The following SDK1 variants were observed in gnomAD, a reference collection of about 807,000 sequenced individuals.
SDK1 encodes the protein protein sidekick-1.
A neutral mutation model predicts 245.5 loss-of-function variants in SDK1; 157 were observed. The observed-to-expected ratio is 0.64, with a 90% confidence interval of 0.56 to 0.73. SDK1 has a LOEUF of 0.73. Among genes scored for constraint, SDK1 ranks in the 30% least tolerant of loss-of-function variants. The pLI is 0.00. For synonymous variants in SDK1, 1,647 were observed against 1,278.5 expected, an observed-to-expected ratio of 1.29 and a Z score of -6.15; for missense variants, 3,583 against 3,002.3, an observed-to-expected ratio of 1.19 and a Z score of -4.52.
chr7:4,020,656 C>A (rs1337308558), intron 17 of SDK1, among the ~76,000 whole-genome samples: 1 of 152,204 alleles, frequency 6.6e-6, no homozygotes, highest in Admixed American at 6.5e-5. Flanking sequence ...GGTGGGGGCG[C>A]AGTGAGCGTG....
intron 1 of SDK1, among the ~76,000 whole-genome samples, chr7:3,368,627 G>C (rs1165804565): frequency 6.6e-6 from 1 of 152,184 alleles, no homozygotes; most frequent in Non-Finnish European, 1.5e-5. Context: ...AGGACTTGGA[G>C]AGCCTGTCGG....
chr7:4,245,213 T>TG (rs1175744500), intron 43 of SDK1, among the ~76,000 whole-genome samples: 1 of 152,134 alleles, frequency 6.6e-6, no homozygotes, highest in Non-Finnish European at 1.5e-5. Context: ...AGACCAGGCC[T>TG]GGTGCAAACT....
At chr7:3,894,681 G>C (rs1000573606) in intron 5 of SDK1, among the ~76,000 whole-genome samples, 1 of 151,190 alleles carries the variant, frequency 6.6e-6, no homozygotes, top group African/African-American at 2.4e-5. Context: ...AACTAAAGCA[G>C]AGTAATACTA....
At chr7:3,484,289 A>G (rs10250929) in intron 1 of SDK1, among the ~76,000 whole-genome samples, 36,118 of 152,118 alleles carry the variant, frequency 0.24, 4,739 homozygotes, top group South Asian at 0.38. Flanking sequence ...ATGTATACAC[A>G]CATTTTTTTT....
chr7:3,469,324 G>A (rs1781112284), intron 1 of SDK1, among the ~76,000 whole-genome samples: 1 of 152,242 alleles, frequency 6.6e-6, no homozygotes, highest in African/African-American at 2.4e-5. Context: ...CCAGATACTT[G>A]GGAGGCTGAG....
At position 4,110,680 on chromosome 7, in the gene SDK1, C is replaced by A; in HGVS notation, c.3342C>A (p.Asp1114Glu). 6.2e-7 allele frequency: 1 copy of A among 1,613,248 alleles called. No individual in the cohort carries two copies. The highest frequency in any genetic ancestry group is 1.7e-4 in the Middle Eastern group (1 of 5,876). The change falls in exon 23 of 45, where the codon GAC becomes GAA. Residue 1114 changes from aspartate to glutamate, a missense_variant. Asp to Glu is a conservative substitution (Grantham distance 45, BLOSUM62 2). Transcript: ENST00000404826. ...CTGCACAGGTGGGAGCTATCGGCGACGAGGAGGAGTGGGTCACCCTCTATG... is the reference window on the plus strand; with the variant it reads ...CTGCACAGGTGGGAGCTATCGGCGAAGAGGAGGAGTGGGTCACCCTCTATG... The part of the protein sequence containing the change: ...IVEGQVGAIG[D>E]EEEWVTLYEE...
chr7:3,934,330 C>G (rs1235519870), intron 5 of SDK1, among the ~76,000 whole-genome samples: 1 of 152,136 alleles, frequency 6.6e-6, no homozygotes, highest in Non-Finnish European at 1.5e-5. Flanking sequence ...CTGTTTTCTC[C>G]AGGGACTGGG....
At chr7:4,009,704 A>G (rs753224996) in intron 14 of SDK1, among the ~76,000 whole-genome samples, 11 of 152,250 alleles carry the variant, frequency 7.2e-5, no homozygotes, top group Non-Finnish European at 1.5e-4. Context: ...AACTGGCTTC[A>G]TGCTTCAGAG....
Position 4,026,782 on chromosome 7 carries a change from G to A in SDK1, c.2602+9430G>A, listed in dbSNP as rs193190312. On this transcript the variant is annotated intron_variant, in intron 17 of 44. Coordinates refer to ENST00000404826, the MANE Select transcript of SDK1 (RefSeq NM_152744.4). This position sits in a 1 kb window ranked among gnomAD's most constrained non-coding sequence, Gnocchi z 4.1. Reference sequence around the variant, plus strand: ...ACCATAACAACGCGAGAACTCAGCCGTGGCCCATAACAATCTGGAATTAAC... The same window carrying A: ...ACCATAACAACGCGAGAACTCAGCCATGGCCCATAACAATCTGGAATTAAC... 2.0e-5 allele frequency among the ~76,000 whole-genome samples: 3 copies of A among 152,236 alleles called. No homozygotes were observed. The highest frequency in any genetic ancestry group is 2.9e-5 in the Non-Finnish European group (2 of 68,034).
chr7:3,916,602 C>T (rs921020416), intron 5 of SDK1, among the ~76,000 whole-genome samples: 1 of 152,196 alleles, frequency 6.6e-6, no homozygotes, highest in Admixed American at 6.5e-5. Flanking sequence ...CAACTAATTA[C>T]TTAAGAGACA....
rs183287628 is a variant in SDK1 at position 3,320,100 on chromosome 7, C to G, written c.298+18216C>G. ...AATTTATTCCCCCTTTCCTCATTCT[C>G]TTCTGATGTATGGGTTTAGGAAGCT... On this transcript the variant is annotated intron_variant, in intron 1 of 44. Coordinates refer to ENST00000404826, the MANE Select transcript of SDK1 (RefSeq NM_152744.4). Among the ~76,000 whole-genome samples, 618 of 151,950 alleles carry G rather than the reference C, an allele frequency of 4.1e-3. 7 individuals are homozygous for G. Among genetic ancestry groups the G allele is most frequent in the South Asian group, 0.018 (85 of 4,792 alleles).
rs558700127 is a variant in SDK1, at chr7:4,224,021, T to G, written c.5827+2657T>G. 2.2e-4 allele frequency among the ~76,000 whole-genome samples: 34 copies of G among 152,246 alleles called. No individual in the cohort carries two copies. In the South Asian group the frequency reaches 7.1e-3, roughly 32 times the overall value. ...GCCACAGGTCACCTAAACCCAACTC[T>G]TCATACGTCTTCCAAGGAACCACGT... On this transcript the variant is annotated intron_variant, in intron 40 of 44. Coordinates refer to ENST00000404826, the MANE Select transcript of SDK1 (RefSeq NM_152744.4).
At chr7:3,388,674 T>G (rs907642389) in intron 1 of SDK1, among the ~76,000 whole-genome samples, 1 of 152,214 alleles carries the variant, frequency 6.6e-6, no homozygotes, top group African/African-American at 2.4e-5. Flanking sequence ...AGATGAGATA[T>G]TAAAAATTAT....
chr7:3,339,325 T>C (rs963339239), intron 1 of SDK1, among the ~76,000 whole-genome samples: 3 of 152,142 alleles, frequency 2.0e-5, no homozygotes, highest in African/African-American at 7.2e-5. Flanking sequence ...ACAAATACTA[T>C]ATACATATAA....
In SDK1 at chr7:4,046,495, T is replaced by C. The variant is rs557291309; in HGVS notation, c.2603-2853T>C. ...TAGGTTTTATAAATGGTAAGAAATA[T>C]AGATCTAGATTTTGTCTTATTTTGT... On this transcript the variant is annotated intron_variant, in intron 17 of 44. Transcript: ENST00000404826. Among the ~76,000 whole-genome samples, 7 of 152,332 alleles carry C rather than the reference T, an allele frequency of 4.6e-5. No homozygotes were observed. The South Asian group carries it at 1.2e-3, about 27-fold the overall frequency.
chr7:3,663,892 G>T (rs1175559306), intron 4 of SDK1, among the ~76,000 whole-genome samples: 1 of 152,216 alleles, frequency 6.6e-6, no homozygotes, highest in African/African-American at 2.4e-5. Context: ...TCTTTTCAAA[G>T]CATTTTTCTT....
At chr7:3,420,365 T>C (rs1274452628) in intron 1 of SDK1, among the ~76,000 whole-genome samples, 2 of 152,222 alleles carry the variant, frequency 1.3e-5, no homozygotes, top group East Asian at 3.8e-4. Flanking sequence ...ACAACTCAGA[T>C]CGTTTCAACA....
At chr7:3,566,037 A>G (rs1324081399) in intron 1 of SDK1, among the ~76,000 whole-genome samples, 1 of 152,182 alleles carries the variant, frequency 6.6e-6, no homozygotes, top group African/African-American at 2.4e-5. Context: ...CTATGAATTA[A>G]TAAGAATGTA....
chr7:4,003,802 G>A (rs927652331), intron 14 of SDK1, among the ~76,000 whole-genome samples: 1 of 152,236 alleles, frequency 6.6e-6, no homozygotes, highest in East Asian at 1.9e-4. Context: ...CTTATACTCA[G>A]TGTCTAGAGA....
Sources: gnomAD v4.1 joint callset for allele counts (sites outside exome capture counted in the v4.1 genomes callset) on GRCh38, gnomAD v4.1.1 for gene constraint, Gnocchi (gnomAD v3.1) non-coding constraint, MANE v1.5 for transcripts, NCBI Gene and HGNC (gene_info 2026-07-23, HGNC 2026-07-21) for gene names.